The following NUGGC variants were observed in gnomAD, a reference collection of about 807,000 sequenced individuals.
The protein encoded by NUGGC is nuclear GTPase, germinal center associated.
Under a neutral mutation model 92.6 loss-of-function variants are expected in NUGGC, and 58 were observed. That is an observed-to-expected ratio of 0.63 (90% CI 0.51 to 0.78). The LOEUF (loss-of-function observed/expected upper bound fraction) is 0.78, where lower values mean the gene tolerates loss of function less well. NUGGC is among the 30% of genes least tolerant of loss of function. The pLI, the probability that NUGGC is intolerant of heterozygous loss-of-function variation, is 0.00. For missense variants in NUGGC, 925 were observed against 964.6 expected (o/e 0.96, Z 0.54); for synonymous variants, 376 against 366.4 (o/e 1.03, Z -0.30).
At chr8:28,060,846 G>C (rs1810285766) in intron 7 of NUGGC, among the ~76,000 whole-genome samples, 1 of 152,074 alleles carries the variant, frequency 6.6e-6, no homozygotes, top group Non-Finnish European at 1.5e-5. Context: ...AGGACCTCTC[G>C]GGCATTGGGC....
intron 13 of NUGGC, among the ~76,000 whole-genome samples, chr8:28,038,738 G>A (rs201525973): frequency 6.6e-6 from 1 of 152,182 alleles, no homozygotes; most frequent in African/African-American, 2.4e-5. Flanking sequence ...TGCTGCAATC[G>A]TTTGCTGAGT....
chr8:28,075,514 C>T lies in NUGGC; in HGVS notation c.-46-1058G>A, dbSNP rs28375641. On this transcript the variant is annotated intron_variant, in intron 1 of 18. Coordinates refer to ENST00000413272, the MANE Select transcript of NUGGC (RefSeq NM_001010906.2). ...CCCATAGAGAAGAATTTGAGGAACA[C>T]GAGTGGGGAACACCCAAGGTGCTTA... Among the ~76,000 whole-genome samples the T allele has an allele frequency of 5.3e-5, 8 of 152,156 alleles. No homozygotes were observed. In the South Asian group the frequency reaches 1.0e-3, roughly 20 times the overall value.
chr8:28,060,928 C>T (rs1810289331), intron 7 of NUGGC, among the ~76,000 whole-genome samples: 1 of 152,226 alleles, frequency 6.6e-6, no homozygotes, highest in African/African-American at 2.4e-5. Context: ...TGCACCAGGT[C>T]TGCTCTCTGC....
At chr8:28,063,444 C>G (rs1810358219) in intron 7 of NUGGC, among the ~76,000 whole-genome samples, 1 of 152,216 alleles carries the variant, frequency 6.6e-6, no homozygotes, top group Non-Finnish European at 1.5e-5. Flanking sequence ...CGATTTCCAC[C>G]CCAGGATCCG....
intron 18 of NUGGC, among the ~76,000 whole-genome samples, chr8:28,024,064 C>G (rs1386330891): frequency 6.6e-6 from 1 of 152,132 alleles, no homozygotes; most frequent in Non-Finnish European, 1.5e-5. Flanking sequence ...GCTCTTGTCA[C>G]CAAGTCTGCA....
At chr8:28,055,031 A>G (rs1289703606) in intron 10 of NUGGC, among the ~76,000 whole-genome samples, 1 of 152,074 alleles carries the variant, frequency 6.6e-6, no homozygotes, top group African/African-American at 2.4e-5. Flanking sequence ...TACTAAAAAT[A>G]CAAAAATTAA....
chr8:28,083,089 G>T (rs1167427654), intron 1 of NUGGC, among the ~76,000 whole-genome samples: 7 of 152,180 alleles, frequency 4.6e-5, no homozygotes, highest in Non-Finnish European at 1.0e-4. Flanking sequence ...AAAACTCCCT[G>T]CTCCTTAAGT....
intron 3 of NUGGC, 74 bp downstream of exon 3, chr8:28,070,178 C>T: frequency 6.7e-7 from 1 of 1,487,510 alleles, no homozygotes; most frequent in Non-Finnish European, 9.0e-7. Context: ...ATTTAACCTC[C>T]TCTTCCTTTG....
At chr8:28,061,626 C>T (rs1352510873) in intron 7 of NUGGC, among the ~76,000 whole-genome samples, 1 of 152,162 alleles carries the variant, frequency 6.6e-6, no homozygotes, top group Admixed American at 6.6e-5. Context: ...TTCGACTTTA[C>T]AATGGGTTTA....
chr8:28,070,036 A>G, intron 3 of NUGGC: 1 of 898,634 alleles, frequency 1.1e-6, no homozygotes, highest in East Asian at 1.2e-4. Flanking sequence ...CTAATCTGGA[A>G]GAAGTTATTT....
chr8:28,070,109 G>C (rs1334634211), intron 3 of NUGGC, 143 bp downstream of exon 3: 12 of 1,437,876 alleles, frequency 8.3e-6, no homozygotes, highest in African/African-American at 2.9e-5. Flanking sequence ...TACCGCTACA[G>C]AGACTTTGAG....
In NUGGC at chr8:28,023,421, T is replaced by A. The variant is rs1212808670; in HGVS notation, c.2287A>T (p.Ser763Cys). 6.2e-7 allele frequency: 1 copy of A among 1,613,838 alleles called. No homozygotes were observed. Among genetic ancestry groups the A allele is most frequent in the Non-Finnish European group, 8.5e-7 (1 of 1,179,866 alleles). Residue 763 changes from serine to cysteine, a missense_variant, in exon 19 of 19, where the codon AGC (serine) becomes TGC (cysteine). Coordinates refer to ENST00000413272, the MANE Select transcript of NUGGC (RefSeq NM_001010906.2). ...GCATTCTCCGCGACCTCCCTCAGGC[T>A]TCTGTGCAGCTTCTCCATCTCCTTG... ...EYKEMEKLHRSLREVAENARL... is the reference protein window; with the variant it reads ...EYKEMEKLHRCLREVAENARL...
In NUGGC at chr8:28,045,399, A is replaced by T. The variant is rs376878296; in HGVS notation, c.1446+128T>A. 941 of 823,808 alleles carry T rather than the reference A, an allele frequency of 1.1e-3. 23 individuals are homozygous for T. In the South Asian group the frequency reaches 0.018, roughly 16 times the overall value. The allele number at this position is 823,808 out of a possible 1,614,324, so 51.0% of individuals were successfully genotyped here. A position where few individuals can be genotyped will look rare whatever the true frequency, so the allele number is the denominator to read the frequency against. On this transcript the variant is annotated intron_variant, in intron 12 of 18. Coordinates refer to ENST00000413272, the MANE Select transcript of NUGGC (RefSeq NM_001010906.2). ...TCTAATTATCTTTTTGTCCTTTTAG[A>T]CTCACTGAACTTCATATCTTCCTTT...
At chr8:28,041,249 C>T in intron 12 of NUGGC, 34 bp from the exon 13 acceptor site, 1 of 1,583,514 alleles carries the variant, frequency 6.3e-7, no homozygotes, top group Non-Finnish European at 8.6e-7. Flanking sequence ...ATCAGGCCAC[C>T]CCCTCCCTAA....
intron 5 of NUGGC, among the ~76,000 whole-genome samples, chr8:28,067,990 A>C (rs571076733): frequency 2.6e-5 from 4 of 152,322 alleles, no homozygotes; most frequent in East Asian, 3.9e-4. Flanking sequence ...TTTTCATTCA[A>C]CAAAGGCATG....
At chr8:28,067,895 C>T (rs776861002) in intron 5 of NUGGC, among the ~76,000 whole-genome samples, 151 bp from the exon 6 acceptor site, 94 of 152,194 alleles carry the variant, frequency 6.2e-4, no homozygotes, top group Non-Finnish European at 1.2e-3. Context: ...AGGGGAATGG[C>T]TTGCCCAAAG....
chr8:28,070,750 C>T lies in NUGGC; in HGVS notation c.44-394G>A, dbSNP rs148945258. 7.1e-3 allele frequency among the ~76,000 whole-genome samples: 1,068 copies of T among 151,208 alleles called. 19 individuals are homozygous for T. The highest frequency in any genetic ancestry group is 0.025 in the African/African-American group (1,016 of 41,304). The stretch of plus-strand genomic sequence containing the variant: ...ACCTGGGACTACAGGCACACACCAT[C>T]ACACCTGGCAAATTTTTGTAGAGAC... On this transcript the variant is annotated intron_variant, in intron 2 of 18. Transcript: ENST00000413272.
At chr8:28,053,643 A>G (rs553263695) in intron 10 of NUGGC, among the ~76,000 whole-genome samples, 1 of 152,332 alleles carries the variant, frequency 6.6e-6, no homozygotes, top group African/African-American at 2.4e-5. Flanking sequence ...GGTGACAGCT[A>G]TAGTCACCCT....
chr8:28,083,526 A>G (rs909188419), intron 1 of NUGGC, among the ~76,000 whole-genome samples: 1 of 152,224 alleles, frequency 6.6e-6, no homozygotes, highest in African/African-American at 2.4e-5. Flanking sequence ...GACGTTAGAT[A>G]AAAACCAAGA....
Sources: allele counts gnomAD v4.1 joint callset (sites outside exome capture counted in the v4.1 genomes callset), GRCh38; gene constraint gnomAD v4.1.1; transcripts MANE v1.5; gene names NCBI Gene and HGNC (gene_info 2026-07-23, HGNC 2026-07-21).